The following ROBO2 variants were observed in gnomAD, a reference collection of about 807,000 sequenced individuals.
ROBO2 encodes roundabout guidance receptor 2.
Under a neutral mutation model 160.8 loss-of-function variants are expected in ROBO2, and 53 were observed. The observed-to-expected ratio is 0.33, with a 90% CI of 0.26 to 0.41. ROBO2 has a LOEUF of 0.41. ROBO2 is among the 10% of genes least tolerant of loss of function. The probability of loss-of-function intolerance (pLI) is 1.00; values close to 1 mark genes in which losing one functional copy is unlikely to be tolerated. For synonymous variants in ROBO2, 664 were observed against 611.7 expected (o/e 1.09, Z -1.26); for missense variants, 1,577 against 1,722.4 (o/e 0.92, Z 1.49).
At chr3:76,056,174 G>C (rs80224664) in intron 2 of ROBO2, among the ~76,000 whole-genome samples, 4,221 of 152,258 alleles carry the variant, frequency 0.028, 179 homozygotes, top group East Asian at 0.17. Context: ...CAACTCTGTA[G>C]ATAATTTAAA....
chr3:76,887,521 A>C (rs1399850848), intron 2 of ROBO2, among the ~76,000 whole-genome samples: 1 of 151,960 alleles, frequency 6.6e-6, no homozygotes, highest in Non-Finnish European at 1.5e-5. Context: ...AAGAGGTTGT[A>C]ATGTGGGGAA....
chr3:75,954,879 A>G (rs1206726818), intron 2 of ROBO2, among the ~76,000 whole-genome samples: 1 of 151,916 alleles, frequency 6.6e-6, no homozygotes, highest in African/African-American at 2.4e-5. Flanking sequence ...TAGATATATG[A>G]AAAAATAATA....
chr3:77,268,108 T>C (rs906593731), intron 2 of ROBO2, among the ~76,000 whole-genome samples: 5 of 152,322 alleles, frequency 3.3e-5, no homozygotes, highest in Non-Finnish European at 5.9e-5. Flanking sequence ...TCTATCGTTA[T>C]ATTCTGCCAT....
intron 9 of ROBO2, among the ~76,000 whole-genome samples, chr3:77,560,641 T>C (rs1165846926): frequency 3.3e-5 from 5 of 152,134 alleles, no homozygotes; most frequent in Non-Finnish European, 7.4e-5. Context: ...GAATACTGTG[T>C]TCTTCTAGGC....
chr3:77,245,114 C>T (rs1474921762), intron 2 of ROBO2, among the ~76,000 whole-genome samples: 1 of 152,064 alleles, frequency 6.6e-6, no homozygotes, highest in African/African-American at 2.4e-5. Context: ...TTGGGTGTCT[C>T]ATTGGAATGC....
intron 5 of ROBO2, among the ~76,000 whole-genome samples, chr3:77,511,483 T>G (rs2153615973): frequency 6.6e-6 from 1 of 152,166 alleles, no homozygotes; most frequent in East Asian, 2.0e-4. Context: ...AGCTGAAATC[T>G]GCACTTCATT....
intron 2 of ROBO2, among the ~76,000 whole-genome samples, chr3:76,400,807 A>T (rs963354596): frequency 6.6e-6 from 1 of 151,568 alleles, no homozygotes; most frequent in Non-Finnish European, 1.5e-5. Context: ...ATTAATATTT[A>T]AAATAATGTA....
chr3:76,946,272 A>C (rs116638521), intron 2 of ROBO2, among the ~76,000 whole-genome samples: 1 of 152,096 alleles, frequency 6.6e-6, no homozygotes, highest in Non-Finnish European at 1.5e-5. Context: ...CTGATCTCCA[A>C]AGATTAGTTT....
intron 2 of ROBO2, among the ~76,000 whole-genome samples, chr3:76,561,883 C>T (rs1052405456): frequency 6.6e-6 from 1 of 152,184 alleles, no homozygotes; most frequent in African/African-American, 2.4e-5. Flanking sequence ...ATAAGCCAAT[C>T]CTCACTTCCC....
At chr3:76,073,051 C>A (rs1475582188) in intron 2 of ROBO2, among the ~76,000 whole-genome samples, 1 of 152,092 alleles carries the variant, frequency 6.6e-6, no homozygotes, top group African/African-American at 2.4e-5. Flanking sequence ...TGTCCCTATT[C>A]TTTCCCCAGT....
At chr3:76,106,331 A>G (rs1300650191) in intron 2 of ROBO2, among the ~76,000 whole-genome samples, 2 of 152,190 alleles carry the variant, frequency 1.3e-5, no homozygotes, top group Admixed American at 1.3e-4. Flanking sequence ...GTGATATTAT[A>G]TATTTGAACA....
intron 24 of ROBO2, among the ~76,000 whole-genome samples, chr3:77,635,268 G>A (rs973012140): frequency 6.1e-5 from 6 of 97,926 alleles, no homozygotes; most frequent in Admixed American, 2.6e-4. Context: ...GCAATTTTTT[G>A]AGGTTGATTT....
Position 76,154,119 on chromosome 3 carries a change from G to A in ROBO2, c.109+216517G>A, listed in dbSNP as rs759517214. 6.1e-4 allele frequency among the ~76,000 whole-genome samples: 93 copies of A among 152,014 alleles called. 1 individual carries two copies. Among genetic ancestry groups the A allele is most frequent in the Non-Finnish European group, 1.2e-3 (79 of 67,998 alleles). On this transcript the variant is annotated intron_variant, in intron 2 of 26. Transcript: ENST00000487694. ...GGAGATAATATGAAATGTTTTAAGG[G>A]GGAAGTTGGAGATACATGAACAGAT...
intron 2 of ROBO2, among the ~76,000 whole-genome samples, chr3:76,933,710 A>G (rs1297066377): frequency 6.6e-6 from 1 of 152,196 alleles, no homozygotes; most frequent in Non-Finnish European, 1.5e-5. Context: ...TAGCCAAGGG[A>G]TGACACTTTA....
chr3:77,227,471 C>A (rs2086630948), intron 2 of ROBO2, among the ~76,000 whole-genome samples: 2 of 152,080 alleles, frequency 1.3e-5, no homozygotes, highest in African/African-American at 4.8e-5. Context: ...CATTTTGACT[C>A]CTAAAATAGG....
chr3:76,929,405 C>T (rs993342485), intron 2 of ROBO2, among the ~76,000 whole-genome samples: 19 of 152,150 alleles, frequency 1.2e-4, no homozygotes, highest in African/African-American at 4.3e-4. Flanking sequence ...CTCTTATGCC[C>T]AGTACCTGTT....
At chr3:77,623,619 T>C (rs957721394) in intron 23 of ROBO2, among the ~76,000 whole-genome samples, 53 of 152,206 alleles carry the variant, frequency 3.5e-4, no homozygotes, top group African/African-American at 1.3e-3. Flanking sequence ...GAGCTGCAGA[T>C]ACACCGCTGT....
At chr3:77,031,457 T>C (rs1237601683) in intron 2 of ROBO2, among the ~76,000 whole-genome samples, 1 of 147,206 alleles carries the variant, frequency 6.8e-6, no homozygotes, top group Non-Finnish European at 1.5e-5. Flanking sequence ...ATATATAGTA[T>C]ATAAATGATA....
At chr3:76,619,718 AT>A (rs1449563282) in intron 2 of ROBO2, among the ~76,000 whole-genome samples, 1 of 152,210 alleles carries the variant, frequency 6.6e-6, no homozygotes, top group Non-Finnish European at 1.5e-5. Context: ...AGGAGGATAG[AT>A]TCATAACATC....
Sources: gnomAD v4.1 joint callset for allele counts (sites outside exome capture counted in the v4.1 genomes callset) on GRCh38, gnomAD v4.1.1 for gene constraint, MANE v1.5 for transcripts, NCBI Gene and HGNC (gene_info 2026-07-23, HGNC 2026-07-21) for gene names.